Variants in EMC3 observed in about 807,000 individuals in gnomAD.
The protein encoded by EMC3 is 30 kDa protein.
EMC3 carries 13 observed loss-of-function variants against 36.6 expected under a neutral mutation model. The observed-to-expected ratio is 0.35, with a 90% CI of 0.23 to 0.56. EMC3 has a LOEUF of 0.56. Among genes scored for constraint, EMC3 ranks in the 20% least tolerant of loss-of-function variants. EMC3 has a pLI of 0.84. For missense variants in EMC3, 220 were observed against 324.5 expected (o/e 0.68, Z 2.47); for synonymous variants, 120 against 111.9 (o/e 1.07, Z -0.46).
At chr3:9,978,062 G>C (rs2085867917) in intron 1 of EMC3, 1 of 140,170 alleles carries the variant, frequency 7.1e-6, no homozygotes, top group Non-Finnish European at 1.5e-5. Context: ...TCTAATCCCA[G>C]CAATTTGGAA....
chr3:9,977,152 T>A (rs1411576045), intron 2 of EMC3, 102 bp from the exon 3 acceptor site: 1 of 969,586 alleles, frequency 1.0e-6, no homozygotes, highest in African/African-American at 1.6e-5. Flanking sequence ...TAGGATATGC[T>A]GTTCCGCTCA....
At chr3:10,003,227 A>C (rs1197899058) in intron 1 of EMC3, 1 of 456,704 alleles carries the variant, frequency 2.2e-6, no homozygotes, top group Non-Finnish European at 4.4e-6. Flanking sequence ...CCATCCCAGG[A>C]AGCCAGTGTC....
chr3:10,007,727 G>A (rs771591897), intron 1 of EMC3: 9 of 1,171,108 alleles, frequency 7.7e-6, no homozygotes, highest in Non-Finnish European at 9.1e-6. Context: ...TGTGGGTGCA[G>A]ATGCCCATCA....
At chr3:9,969,839 C>CAGCA (rs750015392) in intron 6 of EMC3, 38 bp from the exon 7 acceptor site, 1 of 1,608,014 alleles carries the variant, frequency 6.2e-7, no homozygotes, top group Admixed American at 1.7e-5. Flanking sequence ...TGCCAGGACT[C>CAGCA]AGCAAGCACC....
At chr3:10,008,704 C>T (rs2086290854) in intron 1 of EMC3, 1 of 346,366 alleles carries the variant, frequency 2.9e-6, no homozygotes, top group Admixed American at 4.1e-5. Context: ...CCCAGGCTGC[C>T]CCGCACCCAC....
chr3:9,970,129 C>T (rs2085770337), intron 6 of EMC3, among the ~76,000 whole-genome samples: 1 of 152,184 alleles, frequency 6.6e-6, no homozygotes, highest in African/African-American at 2.4e-5. Flanking sequence ...CCTAACAACC[C>T]CACAGGTTAA....
intron 7 of EMC3, chr3:9,969,438 T>A (rs2085763048): frequency 7.6e-7 from 1 of 1,316,412 alleles, no homozygotes; most frequent in Non-Finnish European, 9.7e-7. Context: ...TTATTCTAAA[T>A]GTTTACCTGG....
chr3:9,972,892 C>A (rs1380143862), intron 5 of EMC3, among the ~76,000 whole-genome samples: 32 of 146,316 alleles, frequency 2.2e-4, no homozygotes, highest in South Asian at 8.9e-4. Flanking sequence ...GCAGCAGCGC[C>A]ATCTCAGCTC....
upstream of EMC3, among the ~76,000 whole-genome samples, chr3:9,991,371 C>T (rs1279779948): frequency 2.0e-5 from 3 of 152,204 alleles, no homozygotes; most frequent in Non-Finnish European, 4.4e-5. Flanking sequence ...CTTTCCCATT[C>T]CTCAGGGGTA....
At chr3:9,973,287 T>C (rs1201667484) in intron 5 of EMC3, among the ~76,000 whole-genome samples, 1 of 151,512 alleles carries the variant, frequency 6.6e-6, no homozygotes, top group Non-Finnish European at 1.5e-5. Context: ...CTCCGCCTCC[T>C]GGGTTCATGC....
At chr3:10,001,559 C>G (rs1402942087) in intron 1 of EMC3, among the ~76,000 whole-genome samples, 7 of 149,804 alleles carry the variant, frequency 4.7e-5, no homozygotes, top group African/African-American at 1.5e-4. Context: ...GCCTGGATGA[C>G]AGAGCAAGAC....
upstream of EMC3, chr3:9,988,110 A>G (rs934345639): frequency 7.2e-6 from 4 of 553,998 alleles, no homozygotes; most frequent in African/African-American, 5.7e-5. Context: ...ACAACTACAA[A>G]TAATGGTACT....
At chr3:9,991,916 C>T (rs2086057734) in intron 1 of EMC3, among the ~76,000 whole-genome samples, 1 of 152,102 alleles carries the variant, frequency 6.6e-6, no homozygotes, top group African/African-American at 2.4e-5. Flanking sequence ...CTAGATCCTG[C>T]GCATGTGCAG....
At chr3:9,987,044 C>G, upstream of EMC3, 2 of 973,644 alleles carry the variant, frequency 2.1e-6, no homozygotes, top group Non-Finnish European at 2.5e-6. Context: ...GAAACCCTGT[C>G]TCTACTAAAA....
At chr3:9,979,396 C>T (rs561492346) in intron 1 of EMC3, among the ~76,000 whole-genome samples, 1 of 152,242 alleles carries the variant, frequency 6.6e-6, no homozygotes, top group East Asian at 1.9e-4. Context: ...GTATAAGAAG[C>T]ACTGGGTCTA....
chr3:9,972,522 G>A (rs2085797579), intron 5 of EMC3, among the ~76,000 whole-genome samples: 1 of 147,676 alleles, frequency 6.8e-6, no homozygotes, highest in Non-Finnish European at 1.5e-5. Context: ...TGTAATCCCA[G>A]CACTATGGGA....
At chr3:9,986,471 C>T in intron 1 of EMC3, 36 bp downstream of exon 1, 1 of 1,606,634 alleles carries the variant, frequency 6.2e-7, no homozygotes, top group Non-Finnish European at 8.5e-7. Context: ...AAGGTCACGG[C>T]GGTGTGAGGT....
chr3:10,008,375 A>G, intron 1 of EMC3: 1 of 1,365,584 alleles, frequency 7.3e-7, no homozygotes, highest in Non-Finnish European at 9.8e-7. Context: ...AAAAACCCAC[A>G]AACAGAGAAG....
intron 1 of EMC3, chr3:10,007,602 A>G: frequency 7.3e-7 from 1 of 1,367,284 alleles, no homozygotes; most frequent in Non-Finnish European, 9.8e-7. Flanking sequence ...GGGAGGGTTG[A>G]TGGCAAGACA....
Sources: allele counts gnomAD v4.1 joint callset (sites outside exome capture counted in the v4.1 genomes callset), GRCh38; gene constraint gnomAD v4.1.1; transcripts MANE v1.5; gene names NCBI Gene and HGNC (gene_info 2026-07-23, HGNC 2026-07-21).